SLC24A3: variants seen among roughly 807,000 people sequenced by gnomAD.
SLC24A3 encodes solute carrier family 24 member 3.
A neutral mutation model predicts 75.8 loss-of-function variants in SLC24A3; 28 were observed. That is an observed-to-expected ratio of 0.37 (90% CI 0.27 to 0.51). The LOEUF (loss-of-function observed/expected upper bound fraction) is 0.51, where lower values mean the gene tolerates loss of function less well. Among genes scored for constraint, SLC24A3 ranks in the 20% least tolerant of loss-of-function variants. The pLI is 0.94. For missense variants in SLC24A3, 663 were observed against 847.8 expected, an observed-to-expected ratio of 0.78 and a Z score of 2.71; for synonymous variants, 372 against 334.1, an observed-to-expected ratio of 1.11 and a Z score of -1.24.
intron 7 of SLC24A3, among the ~76,000 whole-genome samples, chr20:19,660,604 C>T (rs945461938): frequency 6.6e-6 from 1 of 152,122 alleles, no homozygotes; most frequent in Non-Finnish European, 1.5e-5. Context: ...AACATACTCA[C>T]GCAGGTGTCT....
chr20:19,424,653 G>A (rs1343241963), intron 2 of SLC24A3, among the ~76,000 whole-genome samples: 5 of 146,850 alleles, frequency 3.4e-5, no homozygotes. Flanking sequence ...AGGTTGTGGA[G>A]CCAAAAGGCT....
chr20:19,383,054 C>T (rs2295072), intron 2 of SLC24A3, among the ~76,000 whole-genome samples: 67,329 of 151,982 alleles, frequency 0.44, 15,252 homozygotes, highest in Middle Eastern at 0.57. Context: ...TCTCGAAGTG[C>T]AAGTGGTAAA....
chr20:19,594,470 T>C (rs1171696166), intron 6 of SLC24A3, among the ~76,000 whole-genome samples: 2 of 152,250 alleles, frequency 1.3e-5, no homozygotes, highest in East Asian at 1.9e-4. Flanking sequence ...GCCAGGGTCA[T>C]AGTCCACTGA....
chr20:19,611,906 C>T (rs1215431268), intron 6 of SLC24A3, among the ~76,000 whole-genome samples: 4 of 152,200 alleles, frequency 2.6e-5, no homozygotes, highest in Non-Finnish European at 1.5e-5. Flanking sequence ...CGTTGCTTCC[C>T]GCAGCCTCCA....
chr20:19,404,918 A>G (rs1236513082), intron 2 of SLC24A3, among the ~76,000 whole-genome samples: 5 of 152,000 alleles, frequency 3.3e-5, no homozygotes, highest in Admixed American at 2.6e-4. Context: ...AAATGGCTCT[A>G]TTTTTAAAAG....
At chr20:19,524,085 C>T (rs747562801) in intron 3 of SLC24A3, among the ~76,000 whole-genome samples, 5 of 152,066 alleles carry the variant, frequency 3.3e-5, no homozygotes, top group Non-Finnish European at 7.4e-5. Context: ...AGCCTGCCCC[C>T]GAAAGTACCC....
At chr20:19,588,962 T>C (rs1276856265) in intron 6 of SLC24A3, among the ~76,000 whole-genome samples, 1 of 152,250 alleles carries the variant, frequency 6.6e-6, no homozygotes, top group Non-Finnish European at 1.5e-5. Context: ...ATGCTTAAAA[T>C]GTGCCTGATG....
At chr20:19,658,735 A>T (rs1308094904) in intron 7 of SLC24A3, among the ~76,000 whole-genome samples, 1 of 152,126 alleles carries the variant, frequency 6.6e-6, no homozygotes. Context: ...TTTTTGCAAG[A>T]CAGACATCAC....
At chr20:19,318,036 G>C (rs970819215) in intron 2 of SLC24A3, among the ~76,000 whole-genome samples, 2 of 152,200 alleles carry the variant, frequency 1.3e-5, no homozygotes, top group Admixed American at 1.3e-4. Flanking sequence ...GGAAATGTCA[G>C]AGAATTAACG....
At chr20:19,467,288 G>C (rs1213139087) in intron 2 of SLC24A3, among the ~76,000 whole-genome samples, 1 of 152,200 alleles carries the variant, frequency 6.6e-6, no homozygotes, top group African/African-American at 2.4e-5. Context: ...TGGTGATTGG[G>C]ACAGAATCGC....
chr20:19,527,558 C>T (rs890427127), intron 3 of SLC24A3, among the ~76,000 whole-genome samples: 22 of 152,156 alleles, frequency 1.4e-4, no homozygotes, highest in African/African-American at 5.1e-4. Flanking sequence ...ACTCAGGAAA[C>T]CCCTGCTCAT....
In SLC24A3 at chr20:19,692,043, ATG is replaced by A. The variant is rs565365800; in HGVS notation, c.1325-1215_1325-1214del. 1.2e-3 allele frequency among the ~76,000 whole-genome samples: 183 copies of A among 152,344 alleles called. 2 individuals carry two copies. The highest frequency in any genetic ancestry group is 0.011 in the Admixed American group (163 of 15,300). On this transcript the variant is annotated intron_variant, in intron 12 of 16. Coordinates refer to ENST00000328041, the MANE Select transcript of SLC24A3 (RefSeq NM_020689.4). ...ATAATGTTAGATACTTTTTCTATCTATGCAGTTTTAAGAAACTATTTGGAGAT... is the reference window on the plus strand; with the variant it reads ...ATAATGTTAGATACTTTTTCTATCTACAGTTTTAAGAAACTATTTGGAGAT...
At chr20:19,720,207 T>C (rs949125711) in intron 16 of SLC24A3, among the ~76,000 whole-genome samples, 2 of 152,236 alleles carry the variant, frequency 1.3e-5, no homozygotes, top group Admixed American at 6.5e-5. Context: ...GAGCTGTGTT[T>C]TAATTTTATT....
chr20:19,628,666 C>T (rs1273854196), intron 6 of SLC24A3, among the ~76,000 whole-genome samples: 1 of 152,068 alleles, frequency 6.6e-6, no homozygotes, highest in East Asian at 1.9e-4. Flanking sequence ...TACCTGGGGG[C>T]CACTGAGAAC....
chr20:19,515,647 G>A (rs906700833), intron 3 of SLC24A3, 83 bp downstream of exon 3: 2 of 1,379,820 alleles, frequency 1.4e-6, no homozygotes, highest in African/African-American at 1.4e-5. Flanking sequence ...GGTGCCCCCA[G>A]TAGATTCTCT....
intron 2 of SLC24A3, among the ~76,000 whole-genome samples, chr20:19,314,307 T>TTTTATTTTATTTTATTTTA: frequency 6.7e-6 from 1 of 149,524 alleles, no homozygotes; most frequent in Non-Finnish European, 1.5e-5. Context: ...TTTTATTTTA[T>TTTTATTTTATTTTATTTTA]TTTATTTTAT....
chr20:19,609,141 A>G (rs924333877), intron 6 of SLC24A3, among the ~76,000 whole-genome samples: 1 of 152,178 alleles, frequency 6.6e-6, no homozygotes, highest in Non-Finnish European at 1.5e-5. Flanking sequence ...AGACTTGGAA[A>G]ACTTGATGAA....
At position 19,323,098 on chromosome 20, in the gene SLC24A3, C is replaced by T. The variant is rs975100055; in HGVS notation, c.271+42011C>T. On this transcript the variant is annotated intron_variant, in intron 2 of 16. Coordinates refer to ENST00000328041, the MANE Select transcript of SLC24A3 (RefSeq NM_020689.4). ...GCGGGCGCCTGTAGTCCCAGCTACT[C>T]GGGAGGCTGAGGCAGGAGAATGGCG... 2.7e-5 allele frequency among the ~76,000 whole-genome samples: 4 copies of T among 147,244 alleles called. No homozygotes were observed. In the Admixed American group the frequency reaches 2.7e-4, roughly 10 times the overall value.
intron 2 of SLC24A3, among the ~76,000 whole-genome samples, chr20:19,419,799 C>T (rs1431719175): frequency 1.3e-5 from 2 of 150,848 alleles, no homozygotes; most frequent in African/African-American, 4.9e-5. Context: ...AATTCCAGGT[C>T]TCGCCATGTC....
Sources: gnomAD v4.1 joint callset for allele counts (sites outside exome capture counted in the v4.1 genomes callset) on GRCh38, gnomAD v4.1.1 for gene constraint, MANE v1.5 for transcripts, NCBI Gene and HGNC (gene_info 2026-07-23, HGNC 2026-07-21) for gene names.